PRODH2: variants seen among roughly 807,000 people sequenced by gnomAD.
The protein encoded by PRODH2 is hydroxyproline dehydrogenase.
A neutral mutation model predicts 51.9 loss-of-function variants in PRODH2; 49 were observed. That is an observed-to-expected ratio of 0.94 (90% CI 0.75 to 1.20). The LOEUF is 1.20. PRODH2 is among the 50% of genes most tolerant of loss of function. PRODH2 has a pLI of 0.00. For missense variants in PRODH2, 597 were observed against 610.9 expected (o/e 0.98, Z 0.24); for synonymous variants, 249 against 260.7 (o/e 0.96, Z 0.43).
chr19:35,807,592 C>T (rs548066524), intron 4 of PRODH2, among the ~76,000 whole-genome samples: 10 of 152,064 alleles, frequency 6.6e-5, no homozygotes, highest in South Asian at 2.1e-4. Context: ...TGTGAGCCAC[C>T]GTGCTCAGCC....
Position 35,812,584 on chromosome 19 carries a change from G to A in PRODH2, c.175-28C>T, listed in dbSNP as rs141500170. The A allele has an allele frequency of 7.8e-4, 1,253 of 1,608,408 alleles. 8 individuals are homozygous for A. In the African/African-American group the frequency reaches 0.013, roughly 17 times the overall value. Reference sequence around the variant, plus strand: ...GGGTGACAGGGAGCGAGGGCTCAGCGCCAGGCTATGAGGAGCCTCCAGGCT... The same window carrying A: ...GGGTGACAGGGAGCGAGGGCTCAGCACCAGGCTATGAGGAGCCTCCAGGCT... On this transcript the variant is annotated intron_variant, in intron 1 of 9. Transcript: ENST00000653904.
intron 4 of PRODH2, among the ~76,000 whole-genome samples, chr19:35,808,319 A>T (rs187390056): frequency 1.4e-3 from 219 of 152,320 alleles, no homozygotes; most frequent in African/African-American, 5.1e-3. Context: ...GAAATGGAAG[A>T]AAGAGGAACA....
intron 7 of PRODH2, among the ~76,000 whole-genome samples, chr19:35,805,369 T>A (rs1229307773): frequency 2.6e-5 from 4 of 152,022 alleles, no homozygotes; most frequent in African/African-American, 4.8e-5. Context: ...TGGGTTCAAG[T>A]GATTCTCCTT....
intron 9 of PRODH2, 65 bp from the exon 10 acceptor site, chr19:35,800,287 T>C: frequency 2.1e-6 from 3 of 1,423,112 alleles, no homozygotes; most frequent in Non-Finnish European, 2.8e-6. Flanking sequence ...TCTCGCTCTG[T>C]TGCCCAGGCT....
At chr19:35,810,710 G>A (rs1258281812) in intron 4 of PRODH2, among the ~76,000 whole-genome samples, 1 of 151,998 alleles carries the variant, frequency 6.6e-6, no homozygotes, top group African/African-American at 2.4e-5. Flanking sequence ...TAGTAGAGAC[G>A]GAGTTTTACC....
At chr19:35,801,989 A>G (rs1972438489) in intron 9 of PRODH2, 1 of 591,134 alleles carries the variant, frequency 1.7e-6, no homozygotes, top group South Asian at 2.1e-5. Flanking sequence ...CACACAAGAA[A>G]TAATACACCA....
rs754102103 is a variant in PRODH2, at chr19:35,812,116, C to T, written c.510+18G>A. The T allele has an allele frequency of 1.7e-5, 28 of 1,613,114 alleles. No homozygotes were observed. Among genetic ancestry groups the T allele is most frequent in the East Asian group, 1.1e-4 (5 of 44,864 alleles). ...GGCAGCCGCGCCCTCCCCGCACCCC[C>T]GTCTTTGCACTCCTTACACAGAGCC... On this transcript the variant is annotated intron_variant, in intron 3 of 9. Coordinates refer to ENST00000653904, the MANE Select transcript of PRODH2 (RefSeq NM_021232.2).
intron 2 of PRODH2, 31 bp from the exon 3 acceptor site, chr19:35,812,303 C>T (rs966387289): frequency 6.2e-6 from 10 of 1,611,144 alleles, no homozygotes; most frequent in Middle Eastern, 1.6e-4. Context: ...AGGGCCCGAA[C>T]AGCAAAGCCC....
intron 4 of PRODH2, among the ~76,000 whole-genome samples, chr19:35,809,855 A>G (rs1010370407): frequency 2.8e-5 from 4 of 141,576 alleles, no homozygotes; most frequent in Admixed American, 7.6e-5. Flanking sequence ...GCTACTCAGG[A>G]GGCTGGGGCA....
rs190118229 is a variant in PRODH2, at chr19:35,806,548, C to A, written c.883G>T (p.Gly295Cys). Reference protein sequence around the residue: ...GRDAEAAHRAGLAFGVKLVRG... With the variant: ...GRDAEAAHRACLAFGVKLVRG... ...ACCAGCTTCACTCCGAAGGCCAGGCCGGCCCTGTGCGCAGCCTCTGCATCC... is the reference window on the plus strand; with the variant it reads ...ACCAGCTTCACTCCGAAGGCCAGGCAGGCCCTGTGCGCAGCCTCTGCATCC... The change falls in exon 7 of 10, where the codon GGC becomes TGC. Residue 295 changes from glycine (G) to cysteine (C), a missense_variant. Transcript: ENST00000653904. The A allele has an allele frequency of 6.2e-7, 1 of 1,614,128 alleles. No individual in the cohort carries two copies. The highest frequency in any genetic ancestry group is 1.7e-5 in the Admixed American group (1 of 60,016).
At chr19:35,806,924 T>A in intron 5 of PRODH2, 94 bp from the exon 6 acceptor site, 1 of 1,545,136 alleles carries the variant, frequency 6.5e-7, no homozygotes, top group Non-Finnish European at 8.7e-7. Context: ...TGCCACCCGA[T>A]GCAGGCGGCT....
intron 4 of PRODH2, among the ~76,000 whole-genome samples, chr19:35,808,349 T>C (rs1455036845): frequency 6.6e-6 from 1 of 152,202 alleles, no homozygotes; most frequent in Non-Finnish European, 1.5e-5. Flanking sequence ...GAAAGCTTTA[T>C]TATATCCAAC....
In PRODH2 at chr19:35,806,839, G is replaced by A. The variant is rs763786777; in HGVS notation, c.679-9C>T. 3.5e-5 allele frequency: 56 copies of A among 1,588,534 alleles called. No individual in the cohort carries two copies. Among genetic ancestry groups the A allele is most frequent in the Middle Eastern group, 1.9e-4 (1 of 5,242 alleles). ...TGCTGGGCCCGGGCATACTGATGGC[G>A]ACAGAGACGACGGTCAGGGCCCCGG... On this transcript the variant is annotated splice_polypyrimidine_tract_variant and intron_variant, in intron 5 of 9. Transcript: ENST00000653904.
At position 35,806,745 on chromosome 19, in the gene PRODH2, A is replaced by T; in HGVS notation, c.764T>A (p.Leu255Gln). The T allele has an allele frequency of 6.2e-7, 1 of 1,613,798 alleles. No individual in the cohort carries two copies. Residue 255 changes from leucine (L) to glutamine (Q), a missense_variant, in exon 6 of 10, where the codon CTG (leucine) becomes CAG (glutamine). Transcript: ENST00000653904. ...ACCCGGGCTGTTCCAGCGCACAGCC[A>T]GGGCAGCCACCAGCAGCGAGAGCGC... ...NPALSLLVAA[L>Q]AVRWNSPGEG...
In PRODH2 at chr19:35,812,636, A is replaced by G. The variant is rs758622481; in HGVS notation, c.170T>C (p.Leu57Pro). ...CAWPPLVTHGLLLQAWSRRLL... is the reference protein window; with the variant it reads ...CAWPPLVTHGPLLQAWSRRLL... ...GTCCTCAGGATCACTGCTCACCAAC[A>G]GCCCGTGAGTGACGAGTGGGGGCCA... The change falls in exon 1 of 10, where the codon CTG becomes CCG. Residue 57 changes from leucine to proline, a missense_variant. Physicochemically the swap from Leu to Pro is moderately conservative, Grantham distance 98. Coordinates refer to ENST00000653904, the MANE Select transcript of PRODH2 (RefSeq NM_021232.2). 1.3e-6 allele frequency: 2 copies of G among 1,591,912 alleles called. No individual in the cohort carries two copies. Among genetic ancestry groups the G allele is most frequent in the South Asian group, 1.1e-5 (1 of 88,460 alleles).
At position 35,800,217 on chromosome 19, in the gene PRODH2, C is replaced by G; in HGVS notation, c.1204G>C (p.Ala402Pro). ...CDHVSLALGQ[A>P]GYVVYKSIPY... Reference sequence around the variant, plus strand: ...ATGGACTTATACACTACATAGCCGGCCTGCCCTGCAGGGAGAGTGGGTTTT... The same window carrying G: ...ATGGACTTATACACTACATAGCCGGGCTGCCCTGCAGGGAGAGTGGGTTTT... The change falls in exon 10 of 10, where the codon GCC (alanine) becomes CCC (proline). Residue 402 changes from alanine (A) to proline (P), a missense_variant. Coordinates refer to ENST00000653904, the MANE Select transcript of PRODH2 (RefSeq NM_021232.2). 6.4e-7 allele frequency: 1 copy of G among 1,572,156 alleles called. No individual in the cohort carries two copies. Among genetic ancestry groups the G allele is most frequent in the Non-Finnish European group, 8.6e-7 (1 of 1,158,512 alleles).
chr19:35,812,371 A>C lies in PRODH2; in HGVS notation c.360T>G (p.Ala120=), dbSNP rs1972626799. 3 of 1,612,924 alleles carry C rather than the reference A, an allele frequency of 1.9e-6. No individual in the cohort carries two copies. The highest frequency in any genetic ancestry group is 2.5e-6 in the Non-Finnish European group (3 of 1,179,130). The part of the protein sequence containing the change: ...AVPTEEEPDS[A]AKSGEAWYEG... ...GGCTCCCTACTCACCCACTCTTGGC[A>C]GCAGAGTCCGGCTCCTCCTCAGTGG... The change falls in exon 2 of 10, where the codon GCT becomes GCG. Residue 120 remains alanine, a synonymous_variant. Transcript: ENST00000653904.
Position 35,812,478 on chromosome 19 carries a change from C to T in PRODH2, c.253G>A (p.Val85Met). The T allele has an allele frequency of 6.2e-7, 1 of 1,614,266 alleles. No individual in the cohort carries two copies. Among genetic ancestry groups the T allele is most frequent in the Non-Finnish European group, 8.5e-7 (1 of 1,180,042 alleles). Residue 85 changes from valine (V) to methionine (M), a missense_variant, in exon 2 of 10, where the codon GTG becomes ATG. Val to Met is a conservative substitution (Grantham distance 21). Coordinates refer to ENST00000653904, the MANE Select transcript of PRODH2 (RefSeq NM_021232.2). ...ACCTCCTCTGCTGTCTCACCAGCCA[C>T]AAACTGCCCATAGACGGATGCTCGG... ...FLRASVYGQF[V>M]AGETAEEVKG...
At chr19:35,800,258 G>A (rs777648689) in intron 9 of PRODH2, 36 bp from the exon 10 acceptor site, 3 of 1,498,204 alleles carry the variant, frequency 2.0e-6, no homozygotes, top group Non-Finnish European at 2.7e-6. Context: ...TTCGTTTTTG[G>A]TGTTTTTCTG....
Sources: gnomAD v4.1 joint callset for allele counts (sites outside exome capture counted in the v4.1 genomes callset) on GRCh38, gnomAD v4.1.1 for gene constraint, MANE v1.5 for transcripts, NCBI Gene and HGNC (gene_info 2026-07-23, HGNC 2026-07-21) for gene names.